ZNF438: variants seen among roughly 807,000 people sequenced by gnomAD.
ZNF438 encodes the protein zinc finger protein 438.
Under a neutral mutation model 38.0 loss-of-function variants are expected in ZNF438, and 25 were observed. The observed-to-expected ratio is 0.66, with a 90% CI of 0.48 to 0.92. The LOEUF (loss-of-function observed/expected upper bound fraction) is 0.92. Ranked by LOEUF, ZNF438 falls within the 40% of genes least tolerant of loss-of-function variation. ZNF438 has a pLI of 0.00. For missense variants in ZNF438, 1,007 were observed against 999.6 expected, an observed-to-expected ratio of 1.01 and a Z score of -0.10; for synonymous variants, 372 against 364.1, an observed-to-expected ratio of 1.02 and a Z score of -0.25.
intron 1 of ZNF438, among the ~76,000 whole-genome samples, chr10:30,979,972 C>T (rs938292404): frequency 3.3e-5 from 5 of 152,304 alleles, no homozygotes; most frequent in Non-Finnish European, 5.9e-5. Flanking sequence ...ATGCACTTTT[C>T]TTCTCTCTAA....
intron 2 of ZNF438, among the ~76,000 whole-genome samples, chr10:30,913,563 C>T (rs2043286591): frequency 6.6e-6 from 1 of 152,006 alleles, no homozygotes; most frequent in South Asian, 2.1e-4. Flanking sequence ...CATCATCTTA[C>T]CCCTTTCTTT....
At chr10:30,954,200 C>T (rs957506748) in intron 1 of ZNF438, among the ~76,000 whole-genome samples, 1 of 151,958 alleles carries the variant, frequency 6.6e-6, no homozygotes, top group Non-Finnish European at 1.5e-5. Context: ...GATTTCTAGG[C>T]GAAAGGTTGA....
intron 1 of ZNF438, among the ~76,000 whole-genome samples, chr10:30,963,815 A>T (rs1264917973): frequency 1.3e-5 from 2 of 151,810 alleles, no homozygotes; most frequent in Non-Finnish European, 2.9e-5. Context: ...TGGGCAGCAG[A>T]GGTTGCAGAT....
At chr10:30,880,950 AC>A (rs1554828472) in intron 3 of ZNF438, among the ~76,000 whole-genome samples, 4 of 152,208 alleles carry the variant, frequency 2.6e-5, no homozygotes, top group South Asian at 2.1e-4. Context: ...TTAAAAAAAA[AC>A]AACCCTTTAT....
At chr10:30,848,464 A>T (rs975096223) in intron 5 of ZNF438, 67 bp downstream of exon 6, 1 of 1,524,950 alleles carries the variant, frequency 6.6e-7, no homozygotes, top group Non-Finnish European at 8.8e-7. Flanking sequence ...TCTGAATATG[A>T]AATCTTCCCC....
chr10:30,935,387 C>T (rs888409858), intron 2 of ZNF438, among the ~76,000 whole-genome samples: 6 of 152,178 alleles, frequency 3.9e-5, no homozygotes, highest in African/African-American at 1.4e-4. Context: ...GCTGTTTCCA[C>T]TAATGGCTGG....
intron 2 of ZNF438, among the ~76,000 whole-genome samples, chr10:30,932,461 A>C (rs2045801079): frequency 6.6e-6 from 1 of 152,146 alleles, no homozygotes; most frequent in South Asian, 2.1e-4. Flanking sequence ...TATATATGTT[A>C]ACTTATTTTG....
chr10:31,004,698 G>C (rs1043321544), intron 1 of ZNF438, among the ~76,000 whole-genome samples: 3 of 152,032 alleles, frequency 2.0e-5, no homozygotes, highest in Non-Finnish European at 4.4e-5. Context: ...AGACCAAAGA[G>C]GTACAAAGGA....
At chr10:30,892,131 T>C (rs932743441) in intron 3 of ZNF438, among the ~76,000 whole-genome samples, 4 of 145,324 alleles carry the variant, frequency 2.8e-5, no homozygotes, top group Middle Eastern at 3.5e-3. Flanking sequence ...TTGGATTTAA[T>C]TCACTGCTTT....
chr10:31,015,972 T>C (rs1380288107), intron 1 of ZNF438, among the ~76,000 whole-genome samples: 2 of 152,142 alleles, frequency 1.3e-5, no homozygotes, highest in Non-Finnish European at 2.9e-5. Flanking sequence ...AATCACCTCC[T>C]TAAAGGCCAC....
chr10:30,982,157 A>C (rs1217482336), intron 1 of ZNF438, among the ~76,000 whole-genome samples: 1 of 149,098 alleles, frequency 6.7e-6, no homozygotes, highest in African/African-American at 2.5e-5. Context: ...GCTGGAGTAC[A>C]GTGGCGCGAT....
chr10:30,952,188 G>A (rs1306111259), intron 1 of ZNF438, among the ~76,000 whole-genome samples: 1 of 151,534 alleles, frequency 6.6e-6, no homozygotes, highest in Admixed American at 6.6e-5. Context: ...TGGGAAAACT[G>A]GCTAGACATA....
intron 2 of ZNF438, among the ~76,000 whole-genome samples, chr10:30,909,851 G>A (rs1234528331): frequency 6.6e-6 from 1 of 152,186 alleles, no homozygotes; most frequent in Non-Finnish European, 1.5e-5. Context: ...TTTCAAGCTG[G>A]TATGCCATGC....
chr10:30,890,083 C>CAAAAAAAAA (rs71863439), intron 3 of ZNF438, among the ~76,000 whole-genome samples: 275 of 93,268 alleles, frequency 2.9e-3, no homozygotes, highest in Middle Eastern at 6.3e-3. Context: ...TTGGCATTTC[C>CAAAAAAAAA]AAAAAAAAAA....
intron 2 of ZNF438, among the ~76,000 whole-genome samples, chr10:30,924,735 AAAGAC>A (rs1358572131): frequency 6.6e-6 from 1 of 152,238 alleles, no homozygotes; most frequent in African/African-American, 2.4e-5. Flanking sequence ...CAAATCCCTG[AAAGAC>A]AAGAAAAGAT....
intron 2 of ZNF438, among the ~76,000 whole-genome samples, chr10:30,934,520 T>C (rs2046030337): frequency 3.3e-5 from 5 of 152,256 alleles, no homozygotes; most frequent in Admixed American, 1.3e-4. Flanking sequence ...TAAGTTGATA[T>C]TAATAGCTCA....
intron 1 of ZNF438, among the ~76,000 whole-genome samples, chr10:30,970,888 A>G (rs971194835): frequency 6.6e-6 from 1 of 152,212 alleles, no homozygotes; most frequent in Non-Finnish European, 1.5e-5. Context: ...ATTTAAAATC[A>G]GTCAAATAGG....
intron 4 of ZNF438, among the ~76,000 whole-genome samples, chr10:30,867,396 G>C (rs934688381): frequency 1.3e-5 from 2 of 152,134 alleles, no homozygotes; most frequent in Non-Finnish European, 2.9e-5. Flanking sequence ...TTATAGTATA[G>C]TCAATTTCGT....
Position 31,024,815 on chromosome 10 carries a change from T to C in ZNF438, c.-192+7018A>G, listed in dbSNP as rs114689688. 4.5e-3 allele frequency among the ~76,000 whole-genome samples: 680 copies of C among 152,282 alleles called. 10 individuals carry two copies. The highest frequency in any genetic ancestry group is 0.015 in the African/African-American group (634 of 41,556). On this transcript the variant is annotated intron_variant, in intron 1 of 5. Coordinates refer to ENST00000413025, the Ensembl canonical transcript of ZNF438. ...AAAATGAAAATTAATGTGAAAAGGATTTTGACAGATATAAACCATGAAACT... is the reference window on the plus strand; with the variant it reads ...AAAATGAAAATTAATGTGAAAAGGACTTTGACAGATATAAACCATGAAACT...
Sources: allele counts gnomAD v4.1 joint callset (sites outside exome capture counted in the v4.1 genomes callset), GRCh38; gene constraint gnomAD v4.1.1; transcripts MANE v1.5; gene names NCBI Gene and HGNC (gene_info 2026-07-23, HGNC 2026-07-21).